Variants in SENP7 observed in about 807,000 individuals in gnomAD.
SENP7 encodes sentrin-specific protease 7.
SENP7 carries 64 observed loss-of-function variants against 141.2 expected under a neutral mutation model. The ratio of observed to expected loss-of-function variants is 0.45; its 90% CI spans 0.37 to 0.56. The LOEUF (loss-of-function observed/expected upper bound fraction) is 0.56, where lower values mean the gene tolerates loss of function less well. Among genes scored for constraint, SENP7 ranks in the 20% least tolerant of loss-of-function variants. The probability of loss-of-function intolerance (pLI) is 0.00; values close to 1 mark genes in which losing one functional copy is unlikely to be tolerated. For synonymous variants in SENP7, 382 were observed against 426.4 expected (o/e 0.90, Z 1.28); for missense variants, 1,025 against 1,212.2 (o/e 0.85, Z 2.29).
intron 2 of SENP7, among the ~76,000 whole-genome samples, chr3:101,500,431 C>A (rs373275330): frequency 6.6e-6 from 1 of 151,918 alleles, no homozygotes; most frequent in Non-Finnish European, 1.5e-5. Flanking sequence ...GTGGCACATC[C>A]CTGTATTCCC....
At chr3:101,331,632 A>C (rs1329163802) in intron 19 of SENP7, among the ~76,000 whole-genome samples, 1 of 152,008 alleles carries the variant, frequency 6.6e-6, no homozygotes, top group Non-Finnish European at 1.5e-5. Context: ...AAGAAAGAGA[A>C]ATGGGAGTGG....
chr3:101,509,027 C>A (rs1362531306), intron 1 of SENP7, among the ~76,000 whole-genome samples: 2 of 152,082 alleles, frequency 1.3e-5, no homozygotes, highest in Non-Finnish European at 2.9e-5. Flanking sequence ...CTTTATCCAT[C>A]TTTTCTCCTT....
chr3:101,442,464 A>G (rs1355884468), intron 4 of SENP7, among the ~76,000 whole-genome samples: 2 of 152,076 alleles, frequency 1.3e-5, no homozygotes, highest in Non-Finnish European at 2.9e-5. Flanking sequence ...ATGCTCCCAC[A>G]TATCTGACAG....
chr3:101,481,102 A>G, intron 3 of SENP7, among the ~76,000 whole-genome samples: 1 of 151,968 alleles, frequency 6.6e-6, no homozygotes, highest in Middle Eastern at 3.4e-3. Flanking sequence ...CTAAAAATAG[A>G]ACTAACCCAT....
intron 2 of SENP7, among the ~76,000 whole-genome samples, chr3:101,497,800 C>T (rs1291466601): frequency 1.3e-5 from 2 of 152,142 alleles, no homozygotes; most frequent in African/African-American, 4.8e-5. Context: ...CTCTGCCTTA[C>T]ATAAGAATTT....
chr3:101,398,219 G>GCC (rs2061026884), intron 6 of SENP7, among the ~76,000 whole-genome samples: 1 of 152,192 alleles, frequency 6.6e-6, no homozygotes, highest in Non-Finnish European at 1.5e-5. Context: ...CAGCCCTTTG[G>GCC]GAGGCTGAAG....
rs1362548368 is a variant in SENP7, at chr3:101,324,971, T to C, written c.*972A>G. On this transcript the variant is annotated 3_prime_UTR_variant, in exon 24 of 24. Coordinates refer to ENST00000394095, the MANE Select transcript of SENP7 (RefSeq NM_020654.5). The stretch of plus-strand genomic sequence containing the variant: ...CTCTAAAAGCTACAATTTAAAAATA[T>C]AAAAGCAATGAGAGCAATCTGGCTT... 6.6e-6 allele frequency: 1 copy of C among 151,970 alleles called. No homozygotes were observed. The highest frequency in any genetic ancestry group is 1.5e-5 in the Non-Finnish European group (1 of 67,948). The allele number at this position is 151,970 out of a possible 1,614,324, so 9.4% of individuals were successfully genotyped here.
intron 5 of SENP7, among the ~76,000 whole-genome samples, chr3:101,406,652 G>T (rs1222695707): frequency 6.6e-6 from 1 of 151,806 alleles, no homozygotes; most frequent in Non-Finnish European, 1.5e-5. Context: ...ATATTTTGGG[G>T]AATAATTGAG....
At chr3:101,488,570 G>A (rs771991290) in intron 3 of SENP7, among the ~76,000 whole-genome samples, 10 of 152,292 alleles carry the variant, frequency 6.6e-5, no homozygotes, top group South Asian at 2.1e-4. Flanking sequence ...GGCCAGGCGC[G>A]GTGGCTCATG....
At chr3:101,422,156 G>A (rs1559801058) in intron 4 of SENP7, among the ~76,000 whole-genome samples, 1 of 152,090 alleles carries the variant, frequency 6.6e-6, no homozygotes, top group African/African-American at 2.4e-5. Flanking sequence ...CACATGCGAG[G>A]GATCTAACTT....
At chr3:101,379,779 A>T (rs747667355) in intron 6 of SENP7, among the ~76,000 whole-genome samples, 1 of 152,200 alleles carries the variant, frequency 6.6e-6, no homozygotes, top group African/African-American at 2.4e-5. Flanking sequence ...TTCCTCAAAA[A>T]GCTAAAAATA....
At chr3:101,463,375 A>ATATG (rs2063627808) in intron 3 of SENP7, among the ~76,000 whole-genome samples, 1 of 86,744 alleles carries the variant, frequency 1.2e-5, no homozygotes, top group Non-Finnish European at 2.2e-5. Flanking sequence ...ATATATATAT[A>ATATG]TATATATATA....
chr3:101,337,926 G>A (rs959883936), intron 16 of SENP7, among the ~76,000 whole-genome samples: 8 of 151,918 alleles, frequency 5.3e-5, no homozygotes, highest in South Asian at 2.1e-4. Flanking sequence ...AGGCCGAGGC[G>A]GGCAGATCAC....
At chr3:101,438,575 TAA>T (rs1443364774) in intron 4 of SENP7, among the ~76,000 whole-genome samples, 17 of 152,328 alleles carry the variant, frequency 1.1e-4, no homozygotes, top group South Asian at 2.1e-4. Context: ...AAATTTATGT[TAA>T]GTGTATTTTA....
chr3:101,449,110 G>T (rs1282092272), intron 4 of SENP7, among the ~76,000 whole-genome samples: 2 of 152,236 alleles, frequency 1.3e-5, no homozygotes, highest in African/African-American at 4.8e-5. Context: ...TCGATCAACT[G>T]GAAGAAAGGG....
chr3:101,450,768 T>C (rs2063100740), intron 4 of SENP7, among the ~76,000 whole-genome samples: 1 of 152,100 alleles, frequency 6.6e-6, no homozygotes, highest in Admixed American at 6.6e-5. Flanking sequence ...GCAGGAAAGA[T>C]CTAATATTGA....
At chr3:101,503,787 A>G (rs964124460) in intron 1 of SENP7, among the ~76,000 whole-genome samples, 2 of 152,054 alleles carry the variant, frequency 1.3e-5, no homozygotes, top group Admixed American at 6.5e-5. Flanking sequence ...CTGCATAAAA[A>G]AGTACAAAAA....
At chr3:101,425,609 T>C (rs1387707137) in intron 4 of SENP7, among the ~76,000 whole-genome samples, 1 of 152,204 alleles carries the variant, frequency 6.6e-6, no homozygotes, top group Non-Finnish European at 1.5e-5. Context: ...GAGTGCCTTC[T>C]TTCTTCCAAA....
At chr3:101,457,277 C>T in intron 4 of SENP7, 2 of 1,576,932 alleles carry the variant, frequency 1.3e-6, no homozygotes, top group Non-Finnish European at 1.7e-6. Flanking sequence ...CATCAAAATT[C>T]TCCACAAGAT....
Sources: allele counts gnomAD v4.1 joint callset (sites outside exome capture counted in the v4.1 genomes callset), GRCh38; gene constraint gnomAD v4.1.1; transcripts MANE v1.5; gene names NCBI Gene and HGNC (gene_info 2026-07-23, HGNC 2026-07-21).